Variants in PTPRK observed in about 807,000 individuals in gnomAD.
The protein encoded by PTPRK is receptor-type tyrosine-protein phosphatase kappa.
PTPRK carries 75 observed loss-of-function variants against 178.0 expected under a neutral mutation model. That is an observed-to-expected ratio of 0.42 (90% CI 0.35 to 0.51). The LOEUF is 0.51. PTPRK is among the 20% of genes least tolerant of loss of function. The pLI, the probability that PTPRK is intolerant of heterozygous loss-of-function variation, is 0.02. For synonymous variants in PTPRK, 637 were observed against 620.6 expected (o/e 1.03, Z -0.39); for missense variants, 1,441 against 1,797.8 (o/e 0.80, Z 3.59).
chr6:128,450,470 A>G (rs1191164721), intron 1 of PTPRK, among the ~76,000 whole-genome samples: 1 of 152,208 alleles, frequency 6.6e-6, no homozygotes, highest in Non-Finnish European at 1.5e-5. Flanking sequence ...TATAAGTATA[A>G]TTGCTTTATC....
chr6:128,208,847 A>AT (rs1438298172), intron 6 of PTPRK, among the ~76,000 whole-genome samples: 12 of 152,138 alleles, frequency 7.9e-5, no homozygotes, highest in Non-Finnish European at 1.5e-4. Context: ...TTAAAACTGG[A>AT]TATGTTCCTA....
intron 1 of PTPRK, among the ~76,000 whole-genome samples, chr6:128,490,650 T>A (rs926629551): frequency 6.6e-6 from 1 of 152,230 alleles, no homozygotes; most frequent in Non-Finnish European, 1.5e-5. Flanking sequence ...GGGCAGTCGC[T>A]CAACCTCTCT....
intron 13 of PTPRK, among the ~76,000 whole-genome samples, chr6:128,015,627 C>T (rs762850273): frequency 6.6e-6 from 1 of 151,736 alleles, no homozygotes; most frequent in African/African-American, 2.4e-5. Flanking sequence ...AAAGTTATGA[C>T]ACATACGGCC....
intron 13 of PTPRK, among the ~76,000 whole-genome samples, chr6:128,048,879 G>A (rs534146853): frequency 6.6e-6 from 1 of 152,030 alleles, no homozygotes; most frequent in Non-Finnish European, 1.5e-5. Context: ...TTTGTGTTTG[G>A]TCTATTTCCT....
chr6:128,088,910 C>T (rs1378509820), intron 8 of PTPRK, among the ~76,000 whole-genome samples: 1 of 152,096 alleles, frequency 6.6e-6, no homozygotes, highest in African/African-American at 2.4e-5. Flanking sequence ...TATATTTAGA[C>T]TCACATAAAA....
At chr6:128,429,997 T>C (rs1844625366) in intron 1 of PTPRK, among the ~76,000 whole-genome samples, 1 of 152,174 alleles carries the variant, frequency 6.6e-6, no homozygotes, top group Non-Finnish European at 1.5e-5. Context: ...CAGTAGTTTG[T>C]AAGAGATTTT....
At chr6:128,335,145 A>G (rs890272891) in intron 2 of PTPRK, among the ~76,000 whole-genome samples, 1 of 152,158 alleles carries the variant, frequency 6.6e-6, no homozygotes, top group Non-Finnish European at 1.5e-5. Context: ...CTGAAGTCAG[A>G]GGCCTAAATT....
chr6:128,223,549 G>T (rs1317642995), intron 5 of PTPRK, among the ~76,000 whole-genome samples: 2 of 151,934 alleles, frequency 1.3e-5, no homozygotes, highest in South Asian at 4.2e-4. Flanking sequence ...TGCTTATATA[G>T]GATGTATATT....
At chr6:128,315,050 C>T (rs1330693648) in intron 3 of PTPRK, among the ~76,000 whole-genome samples, 1 of 152,004 alleles carries the variant, frequency 6.6e-6, no homozygotes, top group Non-Finnish European at 1.5e-5. Context: ...AAAAACAAAA[C>T]ACAGAAATTC....
Position 127,976,791 on chromosome 6 carries a change from T to A in PTPRK, c.3844-9A>T, listed in dbSNP as rs773510232. 1.3e-5 allele frequency: 21 copies of A among 1,603,520 alleles called. No homozygotes were observed. The highest frequency in any genetic ancestry group is 1.7e-4 in the Middle Eastern group (1 of 6,022). On this transcript the variant is annotated splice_polypyrimidine_tract_variant and intron_variant, in intron 26 of 29. Transcript: ENST00000368226. ...CAGTACTGAGGGCAGCCCTAAATGA[T>A]GAACGTTTTGAAAGAAAAAAAAAAA...
At chr6:128,161,980 T>C (rs1350379209) in intron 7 of PTPRK, among the ~76,000 whole-genome samples, 3 of 151,620 alleles carry the variant, frequency 2.0e-5, no homozygotes, top group Admixed American at 6.6e-5. Context: ...TAATATAATC[T>C]AATATTCTTT....
At chr6:128,049,511 G>A (rs933660803) in intron 13 of PTPRK, among the ~76,000 whole-genome samples, 1 of 151,752 alleles carries the variant, frequency 6.6e-6, no homozygotes, top group African/African-American at 2.4e-5. Flanking sequence ...AATTTTAAAT[G>A]ACATAATATG....
At chr6:128,405,718 T>C (rs1160778657) in intron 1 of PTPRK, among the ~76,000 whole-genome samples, 2 of 152,144 alleles carry the variant, frequency 1.3e-5, no homozygotes, top group African/African-American at 4.8e-5. Context: ...CAGCAGTTGC[T>C]CCTGACTTAG....
At chr6:128,113,784 T>C (rs184919846) in intron 7 of PTPRK, among the ~76,000 whole-genome samples, 1 of 152,134 alleles carries the variant, frequency 6.6e-6, no homozygotes, top group Non-Finnish European at 1.5e-5. Context: ...TCTGTGTACT[T>C]AAAAAACACC....
chr6:128,125,613 T>TTC (rs1346376107), intron 7 of PTPRK, among the ~76,000 whole-genome samples: 1 of 133,202 alleles, frequency 7.5e-6, no homozygotes, highest in African/African-American at 2.8e-5. Context: ...TTTTTTTTTT[T>TTC]TTTTTTTTTT....
At chr6:128,329,769 A>T (rs565455610) in intron 2 of PTPRK, among the ~76,000 whole-genome samples, 2 of 152,166 alleles carry the variant, frequency 1.3e-5, no homozygotes, top group East Asian at 3.9e-4. Flanking sequence ...TGTTAATCAC[A>T]TCCAGAAACA....
chr6:128,240,232 T>C, intron 4 of PTPRK, 82 bp from the exon 5 acceptor site: 2 of 1,047,878 alleles, frequency 1.9e-6, no homozygotes, highest in Non-Finnish European at 2.8e-6. Context: ...CTGAATATTA[T>C]CATTAGTGTT....
intron 2 of PTPRK, among the ~76,000 whole-genome samples, chr6:128,327,644 C>T (rs533467537): frequency 6.6e-6 from 1 of 152,122 alleles, no homozygotes; most frequent in Non-Finnish European, 1.5e-5. Flanking sequence ...TCTTGTCAAC[C>T]TCAGAAGGGT....
intron 18 of PTPRK, among the ~76,000 whole-genome samples, chr6:127,994,889 A>G (rs1776969379): frequency 6.6e-6 from 1 of 151,950 alleles, no homozygotes; most frequent in African/African-American, 2.4e-5. Flanking sequence ...AGTCAAATGT[A>G]AAAAGTAAAA....
Sources: allele counts gnomAD v4.1 joint callset (sites outside exome capture counted in the v4.1 genomes callset), GRCh38; gene constraint gnomAD v4.1.1; transcripts MANE v1.5; gene names NCBI Gene and HGNC (gene_info 2026-07-23, HGNC 2026-07-21).